The following ABCG1 variants were observed in gnomAD, a reference collection of about 807,000 sequenced individuals.
The protein encoded by ABCG1 is ATP-binding cassette sub-family G member 1.
A neutral mutation model predicts 69.2 loss-of-function variants in ABCG1; 29 were observed. The observed-to-expected ratio is 0.42, with a 90% confidence interval of 0.31 to 0.57. The LOEUF (loss-of-function observed/expected upper bound fraction) is 0.57, where lower values mean the gene tolerates loss of function less well. ABCG1 is among the 20% of genes least tolerant of loss of function. ABCG1 has a pLI of 0.15. For synonymous variants in ABCG1, 370 were observed against 374.8 expected, an observed-to-expected ratio of 0.99 and a Z score of 0.15; for missense variants, 718 against 898.1, an observed-to-expected ratio of 0.80 and a Z score of 2.56.
At chr21:42,232,780 C>T (rs1015889257) in intron 2 of ABCG1, among the ~76,000 whole-genome samples, 5 of 152,214 alleles carry the variant, frequency 3.3e-5, no homozygotes, top group Admixed American at 1.3e-4. Context: ...CAAGAAATCA[C>T]CAAAGGTGAC....
upstream of ABCG1, among the ~76,000 whole-genome samples, chr21:42,217,679 C>CTTTT (rs71190409): frequency 6.2e-4 from 38 of 61,636 alleles, 6 homozygotes; most frequent in East Asian, 2.5e-3. Context: ...TGGATCTACT[C>CTTTT]TTTTTTTTTT....
chr21:42,265,089 C>T (rs761556636), intron 2 of ABCG1, among the ~76,000 whole-genome samples: 24 of 152,156 alleles, frequency 1.6e-4, no homozygotes, highest in Non-Finnish European at 2.9e-4. Flanking sequence ...ACCATCTTTC[C>T]GAGTGCACAC....
At chr21:42,201,049 G>A (rs1049278692) in intron 1 of ABCG1, among the ~76,000 whole-genome samples, 1 of 151,708 alleles carries the variant, frequency 6.6e-6, no homozygotes, top group Non-Finnish European at 1.5e-5. Context: ...GTTAAGCCCA[G>A]CATATTGTGC....
Position 42,276,624 on chromosome 21 carries a change from A to C in ABCG1, c.538-271A>C. 2.3e-6 allele frequency: 1 copy of C among 433,170 alleles called. No individual in the cohort carries two copies. Among genetic ancestry groups the C allele is most frequent in the Non-Finnish European group, 4.2e-6 (1 of 240,724 alleles). 26.8% of individuals were successfully genotyped at this position (433,170 alleles called of 1,614,324 possible). ...CACGGTGGCTAGTGGCACCGTGGCT[A>C]GCTGCATGGTGGCTAGTTGCACCGT... is the stretch of plus-strand genomic sequence containing the variant. On this transcript the variant is annotated intron_variant, in intron 4 of 14. Coordinates refer to ENST00000398449, the MANE Select transcript of ABCG1 (RefSeq NM_016818.3). The surrounding 1 kb of genome is among the most constrained non-coding windows in gnomAD (Gnocchi z 5.3).
chr21:42,286,671 C>A (rs1198683238), intron 8 of ABCG1, among the ~76,000 whole-genome samples: 3 of 152,164 alleles, frequency 2.0e-5, no homozygotes, highest in African/African-American at 7.2e-5. Context: ...CTAACGGATG[C>A]TGCTGAGTGG....
intron 2 of ABCG1, among the ~76,000 whole-genome samples, chr21:42,204,885 GA>G (rs1246220181): frequency 6.7e-6 from 1 of 150,334 alleles, no homozygotes; most frequent in Non-Finnish European, 1.5e-5. Flanking sequence ...TAAATAAAAT[GA>G]ATTGAGAAGT....
At chr21:42,226,819 A>G (rs2067824904) in intron 2 of ABCG1, among the ~76,000 whole-genome samples, 2 of 152,142 alleles carry the variant, frequency 1.3e-5, no homozygotes, top group Admixed American at 1.3e-4. Flanking sequence ...AGCAATTTGA[A>G]AATCTGGGAG....
At chr21:42,262,890 C>A (rs1228645904) in intron 2 of ABCG1, among the ~76,000 whole-genome samples, 1 of 152,226 alleles carries the variant, frequency 6.6e-6, no homozygotes. Flanking sequence ...GCGGTGCCCA[C>A]CCCAGTGAGC....
At chr21:42,258,957 G>A (rs1328809586) in intron 2 of ABCG1, among the ~76,000 whole-genome samples, 1 of 152,224 alleles carries the variant, frequency 6.6e-6, no homozygotes, top group Non-Finnish European at 1.5e-5. Context: ...GTTCACTCCA[G>A]AATTCTGGAG....
upstream of ABCG1, among the ~76,000 whole-genome samples, chr21:42,212,824 G>C (rs562341531): frequency 7.9e-5 from 12 of 151,472 alleles, no homozygotes; most frequent in African/African-American, 2.9e-4. Context: ...CTCCCGAGTA[G>C]CTGGGGCTAC....
Position 42,291,892 on chromosome 21 carries a change from G to A in ABCG1, c.1653+236G>A, listed in dbSNP as rs979756140. 1.3e-5 allele frequency among the ~76,000 whole-genome samples: 2 copies of A among 152,186 alleles called. No individual in the cohort carries two copies. The highest frequency in any genetic ancestry group is 4.8e-5 in the African/African-American group (2 of 41,440). On this transcript the variant is annotated intron_variant, in intron 13 of 14. Transcript: ENST00000398449. The surrounding 1 kb of genome is among the most constrained non-coding windows in gnomAD (Gnocchi z 6.4). ...CTGCGTGCTGGGCGCTCTTCCCAGCGCTTCCCAGATCTGAGCTCCTGTAGC... is the reference window on the plus strand; with the variant it reads ...CTGCGTGCTGGGCGCTCTTCCCAGCACTTCCCAGATCTGAGCTCCTGTAGC...
At chr21:42,259,976 C>T in intron 2 of ABCG1, 1 of 1,507,562 alleles carries the variant, frequency 6.6e-7, no homozygotes, top group Non-Finnish European at 8.9e-7. Context: ...CCCTTCCCTC[C>T]TGGTTTCTTC....
At chr21:42,268,786 A>C (rs1293809684) in intron 2 of ABCG1, among the ~76,000 whole-genome samples, 2 of 152,088 alleles carry the variant, frequency 1.3e-5, no homozygotes, top group East Asian at 3.9e-4. Flanking sequence ...GACCAGCCTG[A>C]GACCACCTGT....
intron 11 of ABCG1, among the ~76,000 whole-genome samples, chr21:42,290,680 CT>C (rs1462429983): frequency 1.3e-5 from 2 of 152,198 alleles, no homozygotes; most frequent in African/African-American, 4.8e-5. Context: ...TTCTCCAGAA[CT>C]TTAGCATAAA....
chr21:42,288,476 G>C lies in ABCG1; in HGVS notation c.1224+164G>C, dbSNP rs1462469955. Among the ~76,000 whole-genome samples the C allele has an allele frequency of 6.6e-6, 1 of 152,238 alleles. No individual in the cohort carries two copies. Among genetic ancestry groups the C allele is most frequent in the African/African-American group, 2.4e-5 (1 of 41,462 alleles). On this transcript the variant is annotated intron_variant, in intron 10 of 14. Coordinates refer to ENST00000398449, the MANE Select transcript of ABCG1 (RefSeq NM_016818.3). This position sits in a 1 kb window ranked among gnomAD's most constrained non-coding sequence, Gnocchi z 4.8. Reference sequence around the variant, plus strand: ...TAACCCCAGCACTTTGGGAGGCCAAGGCAGGCAGATCATTTGAGGCCAGGA... The same window carrying C: ...TAACCCCAGCACTTTGGGAGGCCAACGCAGGCAGATCATTTGAGGCCAGGA...
intron 2 of ABCG1, among the ~76,000 whole-genome samples, chr21:42,267,541 C>T (rs369947748): frequency 1.3e-5 from 2 of 150,324 alleles, no homozygotes; most frequent in East Asian, 3.9e-4. Flanking sequence ...TGGGTTCTGT[C>T]TGGGTCTGCT....
intron 2 of ABCG1, among the ~76,000 whole-genome samples, chr21:42,260,531 A>G (rs1165967754): frequency 6.6e-6 from 1 of 152,164 alleles, no homozygotes; most frequent in African/African-American, 2.4e-5. Flanking sequence ...AGCCGCATGG[A>G]AGGGCCCCAA....
chr21:42,290,129 A>G lies in ABCG1; in HGVS notation c.1304A>G (p.Glu435Gly). 1 of 1,614,194 alleles carries G rather than the reference A, an allele frequency of 6.2e-7. No individual in the cohort carries two copies. The change falls in exon 11 of 15, where the codon GAA becomes GGA. Residue 435 changes from glutamate (E) to glycine (G), a missense_variant. By Grantham distance (98) the Glu-to-Gly change is moderately conservative. Coordinates refer to ENST00000398449, the MANE Select transcript of ABCG1 (RefSeq NM_016818.3). ...IGLLYLGIGN[E>G]AKKVLSNSGF... Reference sequence around the variant, plus strand: ...CTGCTGTACTTGGGGATCGGGAACGAAGCCAAGAAGGTCTTGAGCAACTCC... The same window carrying G: ...CTGCTGTACTTGGGGATCGGGAACGGAGCCAAGAAGGTCTTGAGCAACTCC...
At chr21:42,278,593 G>A (rs1341032424) in intron 5 of ABCG1, among the ~76,000 whole-genome samples, 1 of 152,226 alleles carries the variant, frequency 6.6e-6, no homozygotes, top group Non-Finnish European at 1.5e-5. Context: ...TGCCAGCCCA[G>A]GAGAGGGGCC....
Sources: allele counts gnomAD v4.1 joint callset (sites outside exome capture counted in the v4.1 genomes callset), GRCh38; gene constraint gnomAD v4.1.1; non-coding constraint Gnocchi (gnomAD v3.1); transcripts MANE v1.5; gene names NCBI Gene and HGNC (gene_info 2026-07-23, HGNC 2026-07-21).